DLGAP2: variants seen among roughly 807,000 people sequenced by gnomAD.
DLGAP2 encodes disks large-associated protein 2.
A neutral mutation model predicts 100.3 loss-of-function variants in DLGAP2; 26 were observed. The ratio of observed to expected loss-of-function variants is 0.26; its 90% confidence interval spans 0.19 to 0.36. The LOEUF is 0.36. Among genes scored for constraint, DLGAP2 ranks in the 10% least tolerant of loss-of-function variants. DLGAP2 has a pLI of 1.00. For synonymous variants in DLGAP2, 886 were observed against 630.1 expected, an observed-to-expected ratio of 1.41 and a Z score of -6.08; for missense variants, 1,858 against 1,453.2, an observed-to-expected ratio of 1.28 and a Z score of -4.53.
chr8:1,326,527 G>C (rs1247352452), intron 3 of DLGAP2, among the ~76,000 whole-genome samples: 1 of 150,638 alleles, frequency 6.6e-6, no homozygotes, highest in South Asian at 2.1e-4. Context: ...ACTCGGTCTC[G>C]GTCCGGTCCT....
chr8:1,580,202 C>T (rs79041818), intron 6 of DLGAP2, among the ~76,000 whole-genome samples: 263 of 152,216 alleles, frequency 1.7e-3, no homozygotes, highest in African/African-American at 6.1e-3. Flanking sequence ...TCAGAGAAAA[C>T]GTGAAAGTAA....
At chr8:1,663,190 G>A (rs1349808162) in intron 8 of DLGAP2, among the ~76,000 whole-genome samples, 3 of 150,358 alleles carry the variant, frequency 2.0e-5, no homozygotes, top group East Asian at 2.0e-4. Context: ...TGAGTGTGGG[G>A]TATGACTGTG....
intron 1 of DLGAP2, among the ~76,000 whole-genome samples, chr8:838,880 T>C (rs1471461105): frequency 6.6e-6 from 1 of 152,242 alleles, no homozygotes; most frequent in Non-Finnish European, 1.5e-5. Flanking sequence ...AGCATGTCTG[T>C]GGTTATGACA....
In DLGAP2 at chr8:1,420,801, C is replaced by T. The variant is rs141351692; in HGVS notation, c.107-80565C>T. 9.6e-4 allele frequency among the ~76,000 whole-genome samples: 146 copies of T among 152,258 alleles called. 1 individual carries two copies. The highest frequency in any genetic ancestry group is 3.3e-3 in the African/African-American group (139 of 41,546). ...TCCCACAGTGACCTTGATTAAAATC[C>T]CATAATCATCCAGATTTAGACCTAT... On this transcript the variant is annotated intron_variant, in intron 3 of 14. Coordinates refer to ENST00000637795, the MANE Select transcript of DLGAP2 (RefSeq NM_001346810.2).
intron 1 of DLGAP2, among the ~76,000 whole-genome samples, chr8:867,896 C>A (rs1045363455): frequency 6.6e-6 from 1 of 152,140 alleles, no homozygotes; most frequent in Non-Finnish European, 1.5e-5. Flanking sequence ...CATATTTGCT[C>A]AACTTTCTGT....
intron 3 of DLGAP2, among the ~76,000 whole-genome samples, chr8:1,383,182 A>G (rs1395719795): frequency 6.6e-6 from 1 of 152,216 alleles, no homozygotes; most frequent in African/African-American, 2.4e-5. Flanking sequence ...AGGTATATTC[A>G]TTAATTTTGT....
At chr8:1,025,248 G>A (rs929126465) in intron 2 of DLGAP2, among the ~76,000 whole-genome samples, 10 of 152,066 alleles carry the variant, frequency 6.6e-5, no homozygotes, top group South Asian at 2.1e-4. Flanking sequence ...AAGCAAACAC[G>A]GTGCCGCCCT....
chr8:1,389,066 C>T (rs372471571), intron 3 of DLGAP2, among the ~76,000 whole-genome samples: 3 of 150,244 alleles, frequency 2.0e-5, no homozygotes, highest in East Asian at 2.0e-4. Context: ...GAGCAGAGGC[C>T]GTGGATGAGG....
intron 2 of DLGAP2, among the ~76,000 whole-genome samples, chr8:934,791 G>T (rs1799032460): frequency 6.6e-6 from 1 of 152,144 alleles, no homozygotes; most frequent in Admixed American, 6.5e-5. Context: ...CTTTTCTTCA[G>T]TTCAAGGCTA....
intron 3 of DLGAP2, among the ~76,000 whole-genome samples, chr8:1,489,823 T>G (rs1162306193): frequency 6.6e-6 from 1 of 152,202 alleles, no homozygotes; most frequent in African/African-American, 2.4e-5. Flanking sequence ...CTTTCTAACA[T>G]TCTACATGAT....
chr8:1,259,617 A>T (rs944482710), intron 3 of DLGAP2: 2 of 152,094 alleles, frequency 1.3e-5, no homozygotes, highest in Non-Finnish European at 2.9e-5. Context: ...GACACAGCCA[A>T]CCCCAGGAAT....
At chr8:1,313,271 C>T (rs1800654528) in intron 3 of DLGAP2, among the ~76,000 whole-genome samples, 1 of 152,248 alleles carries the variant, frequency 6.6e-6, no homozygotes, top group African/African-American at 2.4e-5. Context: ...TGTTGTTCAG[C>T]ATGCGTTGCA....
chr8:826,133 A>G (rs1454426308), intron 1 of DLGAP2, among the ~76,000 whole-genome samples: 2 of 152,180 alleles, frequency 1.3e-5, no homozygotes, highest in Non-Finnish European at 2.9e-5. Context: ...AGTTCCATCA[A>G]TATTGTTGCA....
intron 3 of DLGAP2, among the ~76,000 whole-genome samples, chr8:1,439,127 A>T (rs931058881): frequency 6.6e-6 from 1 of 152,150 alleles, no homozygotes; most frequent in Non-Finnish European, 1.5e-5. Flanking sequence ...CTCCCTAATG[A>T]TTTATGGAGC....
At chr8:988,584 C>T (rs529482289) in intron 2 of DLGAP2, among the ~76,000 whole-genome samples, 21 of 152,290 alleles carry the variant, frequency 1.4e-4, no homozygotes, top group African/African-American at 5.1e-4. Flanking sequence ...GGGTGTCTGG[C>T]CTCAGCCTCC....
At chr8:986,984 C>T (rs1336361876) in intron 2 of DLGAP2, among the ~76,000 whole-genome samples, 1 of 152,128 alleles carries the variant, frequency 6.6e-6, no homozygotes, top group Non-Finnish European at 1.5e-5. Flanking sequence ...AATGTGGTAT[C>T]ATTTAATGTA....
intron 6 of DLGAP2, among the ~76,000 whole-genome samples, chr8:1,569,543 G>C (rs968600197): frequency 2.6e-5 from 4 of 152,304 alleles, no homozygotes; most frequent in Admixed American, 2.0e-4. Context: ...CATTTTTGCT[G>C]TTGCCTATTC....
At chr8:1,181,922 T>A (rs1431020928) in intron 2 of DLGAP2, among the ~76,000 whole-genome samples, 2 of 152,228 alleles carry the variant, frequency 1.3e-5, no homozygotes, top group Non-Finnish European at 2.9e-5. Context: ...GTTCCTTGTC[T>A]GTGAACCGTT....
At chr8:915,781 T>C (rs1281167529) in intron 2 of DLGAP2, among the ~76,000 whole-genome samples, 1 of 151,680 alleles carries the variant, frequency 6.6e-6, no homozygotes, top group Non-Finnish European at 1.5e-5. Context: ...CAGGGCGTGG[T>C]TTCCGTGTGT....
Sources: gnomAD v4.1 joint callset for allele counts (sites outside exome capture counted in the v4.1 genomes callset) on GRCh38, gnomAD v4.1.1 for gene constraint, MANE v1.5 for transcripts, NCBI Gene and HGNC (gene_info 2026-07-23, HGNC 2026-07-21) for gene names.